DIPK1C: variants seen among roughly 807,000 people sequenced by gnomAD.
DIPK1C encodes the protein familial non-conventional Alzheimer's dementia.
DIPK1C carries 33 observed loss-of-function variants against 28.0 expected under a neutral mutation model. That is an observed-to-expected ratio of 1.18 (90% CI 0.89 to 1.58). DIPK1C has a LOEUF of 1.58. DIPK1C is among the 40% of genes most tolerant of loss of function. DIPK1C has a pLI of 0.00. For missense variants in DIPK1C, 569 were observed against 568.5 expected (o/e 1.00, Z -0.01); for synonymous variants, 255 against 248.8 (o/e 1.02, Z -0.23).
chr18:74,454,171 G>A (rs1340170712), intron 1 of DIPK1C, among the ~76,000 whole-genome samples: 1 of 143,766 alleles, frequency 7.0e-6, no homozygotes, highest in African/African-American at 2.5e-5. Context: ...CCATTAAGAG[G>A]AGCCCTAGAG....
At chr18:74,441,780 C>T (rs1986130330) in intron 3 of DIPK1C, among the ~76,000 whole-genome samples, 172 bp downstream of exon 3, 1 of 152,128 alleles carries the variant, frequency 6.6e-6, no homozygotes, top group Non-Finnish European at 1.5e-5. Flanking sequence ...GGGCAGGCAA[C>T]CAAGAGCACG....
upstream of DIPK1C, among the ~76,000 whole-genome samples, chr18:74,459,397 C>A (rs1483355319): frequency 6.6e-6 from 1 of 152,096 alleles, no homozygotes; most frequent in Non-Finnish European, 1.5e-5. Flanking sequence ...ACTTATAATC[C>A]CACAGTAAAG....
chr18:74,437,754 G>C (rs1986030920), intron 3 of DIPK1C, among the ~76,000 whole-genome samples: 1 of 152,136 alleles, frequency 6.6e-6, no homozygotes, highest in African/African-American at 2.4e-5. Flanking sequence ...TCACCCCGAT[G>C]CTCAGCTCCC....
At chr18:74,463,411 A>G in the DIPK1C span, among the ~76,000 whole-genome samples, 15 of 152,214 alleles carry the variant, frequency 9.9e-5, no homozygotes, top group African/African-American at 3.4e-4. Flanking sequence ...AACCACCCAC[A>G]GTTGCACTGC....
At chr18:74,463,128 C>A in the DIPK1C span, among the ~76,000 whole-genome samples, 1 of 152,162 alleles carries the variant, frequency 6.6e-6, no homozygotes, top group Non-Finnish European at 1.5e-5. Flanking sequence ...GGGATTCCAG[C>A]TCCCGGAGTA....
chr18:74,461,652 A>T (rs1048664240), upstream of DIPK1C, among the ~76,000 whole-genome samples: 4 of 151,682 alleles, frequency 2.6e-5, no homozygotes, highest in South Asian at 2.1e-4. Context: ...TGCAGATGTG[A>T]GTCACTGTGC....
chr18:74,452,443 G>A (rs1986419713), intron 1 of DIPK1C, among the ~76,000 whole-genome samples: 1 of 152,040 alleles, frequency 6.6e-6, no homozygotes, highest in Admixed American at 6.5e-5. Flanking sequence ...TTGCAAGTTT[G>A]AATTTAAAAT....
In DIPK1C at chr18:74,446,845, G is replaced by C. The variant is rs574324944; in HGVS notation, c.637C>G (p.Leu213Val). The change falls in exon 2 of 4, where the codon CTG (leucine) becomes GTG (valine). Residue 213 changes from leucine (L) to valine (V), a missense_variant. By Grantham distance (32) the Leu-to-Val change is conservative. Coordinates refer to ENST00000343998, the MANE Select transcript of DIPK1C (RefSeq NM_001044369.3). Reference protein sequence around the residue: ...QDLSPHVLPVLGSCGHFYAVE... With the variant: ...QDLSPHVLPVVGSCGHFYAVE... ...GCGTAGAAGTGGCCGCAGGAACCCAGCACGGGCAGCACGTGTGGGCTCAGG... is the reference window on the plus strand; with the variant it reads ...GCGTAGAAGTGGCCGCAGGAACCCACCACGGGCAGCACGTGTGGGCTCAGG... 1.3e-6 allele frequency: 2 copies of C among 1,506,266 alleles called. No individual in the cohort carries two copies. The highest frequency in any genetic ancestry group is 8.9e-7 in the Non-Finnish European group (1 of 1,122,670). 93.3% of individuals were successfully genotyped at this position (1,506,266 alleles called of 1,614,324 possible).
At position 74,447,147 on chromosome 18, in the gene DIPK1C, G is replaced by T. The variant is rs1408968952; in HGVS notation, c.335C>A (p.Pro112His). The part of the protein sequence containing the change: ...KVLQADWRGR[P>H]VVLKSKEEAF... ...CTCCTCCTTGGACTTGAGGACCACG[G>T]GCCGGCCGCGCCAGTCGGCCTGCAG... The change falls in exon 2 of 4, where the codon CCC (proline) becomes CAC (histidine). Residue 112 changes from proline (P) to histidine (H), a missense_variant. Coordinates refer to ENST00000343998, the MANE Select transcript of DIPK1C (RefSeq NM_001044369.3). This position sits in a 1 kb window ranked among gnomAD's most constrained non-coding sequence, Gnocchi z 4.1. 1.9e-6 allele frequency: 3 copies of T among 1,550,538 alleles called. No homozygotes were observed. The Admixed American group carries it at 5.9e-5, about 30-fold the overall frequency.
intron 3 of DIPK1C, among the ~76,000 whole-genome samples, chr18:74,437,669 T>G (rs948242807): frequency 6.6e-6 from 1 of 152,332 alleles, no homozygotes; most frequent in East Asian, 1.9e-4. Flanking sequence ...TATGGTTTTT[T>G]TAAAATAGAG....
Position 74,446,773 on chromosome 18 carries a change from G to A in DIPK1C, c.709C>T (p.Pro237Ser). ...GGGGCACCTGGGGCCCGGTCCAGGG[G>A]GAAGAGTGCCCTGTGGTGGGGGCTG... Reference protein sequence around the residue: ...AGSPHHRALFPLDRAPGAPGG... With the variant: ...AGSPHHRALFSLDRAPGAPGG... Residue 237 changes from proline to serine, a missense_variant, in exon 2 of 4, where the codon CCC (proline) becomes TCC (serine). Physicochemically the swap from Pro to Ser is moderately conservative, Grantham distance 74. Transcript: ENST00000343998. The A allele has an allele frequency of 1.3e-6, 2 of 1,514,192 alleles. No homozygotes were observed. The highest frequency in any genetic ancestry group is 1.8e-6 in the Non-Finnish European group (2 of 1,128,744). 93.8% of individuals were successfully genotyped at this position (1,514,192 alleles called of 1,614,324 possible).
Position 74,449,432 on chromosome 18 carries a change from G to A in DIPK1C, c.199-2149C>T, listed in dbSNP as rs530844937. On this transcript the variant is annotated intron_variant, in intron 1 of 3. Transcript: ENST00000343998. The stretch of plus-strand genomic sequence containing the variant: ...AAACACTGCAGGCTAATCGTTCAAA[G>A]CGCTTACTGAAAAGAAGCACTCCCA... Among the ~76,000 whole-genome samples the A allele has an allele frequency of 3.3e-5, 5 of 152,292 alleles. No individual in the cohort carries two copies. The South Asian group carries it at 1.0e-3, about 32-fold the overall frequency.
intron 2 of DIPK1C, among the ~76,000 whole-genome samples, chr18:74,443,823 C>T (rs190996203): frequency 1.3e-5 from 2 of 152,194 alleles, no homozygotes; most frequent in Non-Finnish European, 2.9e-5. Context: ...TGGGGCTACA[C>T]GACTCTTCTA....
intron 3 of DIPK1C, among the ~76,000 whole-genome samples, chr18:74,440,663 G>A (rs1169351952): frequency 6.6e-6 from 1 of 152,138 alleles, no homozygotes; most frequent in African/African-American, 2.4e-5. Context: ...TGTTCCTCTT[G>A]CCCCTTAATG....
chr18:74,462,235 A>C (rs572621867), upstream of DIPK1C, among the ~76,000 whole-genome samples: 30 of 152,288 alleles, frequency 2.0e-4, no homozygotes, highest in South Asian at 6.0e-3. Flanking sequence ...CCTCCTGCTC[A>C]CTTGCATTCC....
chr18:74,439,822 A>G (rs1431277299), intron 3 of DIPK1C, among the ~76,000 whole-genome samples: 1 of 152,236 alleles, frequency 6.6e-6, no homozygotes, highest in Non-Finnish European at 1.5e-5. Context: ...CTGTCTCTAA[A>G]ATAAAATAAA....
upstream of DIPK1C, among the ~76,000 whole-genome samples, chr18:74,461,292 C>T (rs1986612101): frequency 6.6e-6 from 1 of 152,000 alleles, no homozygotes; most frequent in Admixed American, 6.6e-5. Context: ...TATTCTTGAA[C>T]CTCATGCCTC....
chr18:74,437,663 G>T (rs909935370), intron 3 of DIPK1C, among the ~76,000 whole-genome samples: 1 of 151,992 alleles, frequency 6.6e-6, no homozygotes, highest in African/African-American at 2.4e-5. Flanking sequence ...CCTAATTATG[G>T]TTTTTTTAAA....
At chr18:74,440,506 T>A (rs1400504629) in intron 3 of DIPK1C, among the ~76,000 whole-genome samples, 1 of 152,258 alleles carries the variant, frequency 6.6e-6, no homozygotes, top group Non-Finnish European at 1.5e-5. Flanking sequence ...TAAAGAACTA[T>A]TCCCAATTGG....
Sources: allele counts gnomAD v4.1 joint callset (sites outside exome capture counted in the v4.1 genomes callset), GRCh38; gene constraint gnomAD v4.1.1; non-coding constraint Gnocchi (gnomAD v3.1); transcripts MANE v1.5; gene names NCBI Gene and HGNC (gene_info 2026-07-23, HGNC 2026-07-21).